Variants in UBASH3B observed in about 807,000 individuals in gnomAD.
The protein encoded by UBASH3B is ubiquitin-associated and SH3 domain-containing protein B.
UBASH3B carries 37 observed loss-of-function variants against 83.4 expected under a neutral mutation model. The observed-to-expected ratio is 0.44, with a 90% CI of 0.34 to 0.58. The LOEUF (loss-of-function observed/expected upper bound fraction) is 0.58. UBASH3B is among the 20% of genes least tolerant of loss of function. The pLI, the probability that UBASH3B is intolerant of heterozygous loss-of-function variation, is 0.01. For synonymous variants in UBASH3B, 304 were observed against 318.3 expected, an observed-to-expected ratio of 0.96 and a Z score of 0.48; for missense variants, 657 against 827.2, an observed-to-expected ratio of 0.79 and a Z score of 2.52.
chr11:122,683,617 A>AAAT (rs1565527888), intron 1 of UBASH3B, among the ~76,000 whole-genome samples: 4 of 148,492 alleles, frequency 2.7e-5, no homozygotes, highest in African/African-American at 9.9e-5. Context: ...AAAAAAAAAA[A>AAAT]AATAATAATA....
intron 1 of UBASH3B, among the ~76,000 whole-genome samples, chr11:122,664,190 G>A (rs1863484126): frequency 6.6e-6 from 1 of 152,074 alleles, no homozygotes; most frequent in Non-Finnish European, 1.5e-5. Flanking sequence ...AGGGGTGCGG[G>A]GCCTGAGAAA....
At chr11:122,789,022 G>A (rs1039691715) in intron 5 of UBASH3B, 78 bp from the exon 6 acceptor site, 4 of 1,366,352 alleles carry the variant, frequency 2.9e-6, no homozygotes, top group Middle Eastern at 2.6e-4. Context: ...TATTAATGCA[G>A]AACATACAGT....
At chr11:122,657,651 G>A (rs1056828673) in intron 1 of UBASH3B, among the ~76,000 whole-genome samples, 5 of 152,156 alleles carry the variant, frequency 3.3e-5, no homozygotes, top group African/African-American at 9.7e-5. Flanking sequence ...GTTAATCAAA[G>A]TAGACCCTTG....
At chr11:122,680,625 G>A (rs1043307456) in intron 1 of UBASH3B, among the ~76,000 whole-genome samples, 3 of 152,094 alleles carry the variant, frequency 2.0e-5, no homozygotes, top group African/African-American at 4.8e-5. Flanking sequence ...CACCATGCCT[G>A]GCTAATTTTG....
At chr11:122,797,681 G>T (rs1861179849) in intron 9 of UBASH3B, among the ~76,000 whole-genome samples, 3 of 152,148 alleles carry the variant, frequency 2.0e-5, no homozygotes, top group Admixed American at 2.0e-4. Flanking sequence ...GCTATGCATG[G>T]TCACAGAATA....
At chr11:122,731,322 G>T (rs1860840420) in intron 1 of UBASH3B, among the ~76,000 whole-genome samples, 2 of 152,114 alleles carry the variant, frequency 1.3e-5, no homozygotes, top group African/African-American at 4.8e-5. Context: ...GGGTGACTTT[G>T]GCATGCAATT....
At chr11:122,656,958 C>T (rs1863372829) in intron 1 of UBASH3B, among the ~76,000 whole-genome samples, 1 of 152,188 alleles carries the variant, frequency 6.6e-6, no homozygotes, top group Non-Finnish European at 1.5e-5. Flanking sequence ...GTGGCTGCCC[C>T]TGGAGCCTGC....
At chr11:122,658,136 A>G (rs1323862509) in intron 1 of UBASH3B, among the ~76,000 whole-genome samples, 1 of 146,992 alleles carries the variant, frequency 6.8e-6, no homozygotes, top group Non-Finnish European at 1.5e-5. Context: ...AGATCGCACC[A>G]CTGCACTCTA....
intron 1 of UBASH3B, among the ~76,000 whole-genome samples, chr11:122,702,037 C>G (rs1864045363): frequency 6.6e-6 from 1 of 152,108 alleles, no homozygotes; most frequent in African/African-American, 2.4e-5. Context: ...ACATTTCAAT[C>G]TTCCCTCCCA....
In UBASH3B at chr11:122,769,625, G is replaced by C. The variant is rs1042694543; in HGVS notation, c.162-6594G>C. Among the ~76,000 whole-genome samples the C allele has an allele frequency of 2.0e-5, 3 of 152,230 alleles. No homozygotes were observed. In the East Asian group the frequency reaches 5.8e-4, roughly 29 times the overall value. ...TGTGAGGATGTTCATGACTGATTCA[G>C]CAGTTCACAGAGCACAACAAAAGGC... On this transcript the variant is annotated intron_variant, in intron 1 of 13. Transcript: ENST00000284273.
At chr11:122,730,944 T>G (rs1223069818) in intron 1 of UBASH3B, among the ~76,000 whole-genome samples, 2 of 152,200 alleles carry the variant, frequency 1.3e-5, no homozygotes, top group East Asian at 3.8e-4. Flanking sequence ...TGTCTTTCAT[T>G]TCCCTCCCTG....
In UBASH3B at chr11:122,656,039, G is replaced by A; in HGVS notation, c.-11G>A. ...CGGGCTCCTTCCCTGGCGATGGCTGGCCGCTGAGCCATGGCTCAGTACGGC... is the reference window on the plus strand; with the variant it reads ...CGGGCTCCTTCCCTGGCGATGGCTGACCGCTGAGCCATGGCTCAGTACGGC... On this transcript the variant is annotated 5_prime_UTR_variant, in exon 1 of 14. Transcript: ENST00000284273. 6.4e-7 allele frequency: 1 copy of A among 1,570,112 alleles called. No individual in the cohort carries two copies. Among genetic ancestry groups the A allele is most frequent in the Non-Finnish European group, 8.6e-7 (1 of 1,159,340 alleles).
chr11:122,690,202 A>C (rs1313689145), intron 1 of UBASH3B, among the ~76,000 whole-genome samples: 2 of 40,638 alleles, frequency 4.9e-5, no homozygotes, highest in African/African-American at 7.5e-5. Context: ...ATATATATAT[A>C]TATATATCCA....
chr11:122,659,407 G>T (rs138075760), intron 1 of UBASH3B, among the ~76,000 whole-genome samples: 170 of 152,244 alleles, frequency 1.1e-3, no homozygotes, highest in African/African-American at 3.9e-3. Flanking sequence ...GGGAGTGAAG[G>T]TCCTGGAGGT....
Position 122,656,020 on chromosome 11 carries a change from C to T in UBASH3B, c.-30C>T. The T allele has an allele frequency of 6.5e-7, 1 of 1,533,128 alleles. No homozygotes were observed. Among genetic ancestry groups the T allele is most frequent in the South Asian group, 1.2e-5 (1 of 82,354 alleles). The allele number at this position is 1,533,128 out of a possible 1,614,324, so 95.0% of individuals were successfully genotyped here. A position where few individuals can be genotyped will look rare whatever the true frequency, so the allele number is the denominator to read the frequency against. Reference sequence around the variant, plus strand: ...CTTCCCGAACCATCCGGCTCGGGCTCCTTCCCTGGCGATGGCTGGCCGCTG... The same window carrying T: ...CTTCCCGAACCATCCGGCTCGGGCTTCTTCCCTGGCGATGGCTGGCCGCTG... On this transcript the variant is annotated 5_prime_UTR_variant, in exon 1 of 14. Coordinates refer to ENST00000284273, the MANE Select transcript of UBASH3B (RefSeq NM_032873.5).
chr11:122,791,236 A>C (rs978529317), intron 6 of UBASH3B, among the ~76,000 whole-genome samples: 1 of 152,164 alleles, frequency 6.6e-6, no homozygotes, highest in African/African-American at 2.4e-5. Context: ...TGTGATTAAG[A>C]ATTTGAGACT....
chr11:122,663,217 T>C (rs1863469454), intron 1 of UBASH3B, among the ~76,000 whole-genome samples: 2 of 152,178 alleles, frequency 1.3e-5, no homozygotes, highest in African/African-American at 4.8e-5. Context: ...GCTCAGGCAA[T>C]CCGCCTGCTT....
chr11:122,794,811 A>G lies in UBASH3B; in HGVS notation c.1090A>G (p.Thr364Ala). Residue 364 changes from threonine to alanine, a missense_variant, in exon 7 of 14, where the codon ACT becomes GCT. Physicochemically the swap from Thr to Ala is moderately conservative, Grantham distance 58. Around this residue, in one of 3 missense-constraint regions of UBASH3B, gnomAD observed 573 missense variants for 739.0 expected, o/e 0.78. Coordinates refer to ENST00000284273, the MANE Select transcript of UBASH3B (RefSeq NM_032873.5). ...GGGGCTCGGGGAGACGACTCCTCTT[A>G]CTATCATCTGCCAGCCCATGCAGGT... ...DQGLGETTPL[T>A]IICQPMQPLR... 6.2e-7 allele frequency: 1 copy of G among 1,613,782 alleles called. No individual in the cohort carries two copies. The highest frequency in any genetic ancestry group is 8.5e-7 in the Non-Finnish European group (1 of 1,179,910).
intron 1 of UBASH3B, among the ~76,000 whole-genome samples, chr11:122,765,250 C>T (rs1312441373): frequency 1.3e-5 from 2 of 152,230 alleles, no homozygotes; most frequent in African/African-American, 4.8e-5. Context: ...TCAATATCCT[C>T]AAGTTCCTCT....
Sources: gnomAD v4.1 joint callset for allele counts (sites outside exome capture counted in the v4.1 genomes callset) on GRCh38, gnomAD v4.1.1 for gene constraint, gnomAD v4.1.1 regional missense constraint, MANE v1.5 for transcripts, NCBI Gene and HGNC (gene_info 2026-07-23, HGNC 2026-07-21) for gene names.